The following TCF12 variants were observed in gnomAD, a reference collection of about 807,000 sequenced individuals.
TCF12 encodes transcription factor 12.
TCF12 carries 45 observed loss-of-function variants against 86.0 expected under a neutral mutation model. The observed-to-expected ratio is 0.52, with a 90% CI of 0.41 to 0.67. The LOEUF (loss-of-function observed/expected upper bound fraction) is 0.67. Among genes scored for constraint, TCF12 ranks in the 30% least tolerant of loss-of-function variants. The pLI, the probability that TCF12 is intolerant of heterozygous loss-of-function variation, is 0.00. For synonymous variants in TCF12, 330 were observed against 299.6 expected (o/e 1.10, Z -1.05); for missense variants, 881 against 859.9 (o/e 1.02, Z -0.31).
Position 57,166,431 on chromosome 15 carries a change from C to T in TCF12, c.355C>T (p.Leu119=). 1.2e-6 allele frequency: 2 copies of T among 1,611,222 alleles called. No individual in the cohort carries two copies. Among genetic ancestry groups the T allele is most frequent in the South Asian group, 1.1e-5 (1 of 90,258 alleles). ...GKTSERGSFS[L]YSRDTGLPGC... ...AACATCAGAGAGAGGCTCATTTTCCCTGTACAGCAGAGATACTGGATTACC... is the reference window on the plus strand; with the variant it reads ...AACATCAGAGAGAGGCTCATTTTCCTTGTACAGCAGAGATACTGGATTACC... The change falls in exon 6 of 21, where the codon CTG becomes TTG. Residue 119 remains leucine (L), a synonymous_variant. Coordinates refer to ENST00000333725, the MANE Select transcript of TCF12 (RefSeq NM_207037.2).
At chr15:57,205,934 CTTGTTA>C (rs1247388358) in intron 8 of TCF12, among the ~76,000 whole-genome samples, 1 of 152,180 alleles carries the variant, frequency 6.6e-6, no homozygotes, top group African/African-American at 2.4e-5. Flanking sequence ...TACAGTGATA[CTTGTTA>C]TTGTTATTTT....
In TCF12 at chr15:56,921,035, C is replaced by A; in HGVS notation, c.85C>A (p.Pro29Thr). The A allele has an allele frequency of 6.3e-7, 1 of 1,597,458 alleles. No individual in the cohort carries two copies. Among genetic ancestry groups the A allele is most frequent in the South Asian group, 1.1e-5 (1 of 88,072 alleles). ...TTGGGTTATTTTGCAGATGTTTTCCCCACCTGTTAATAGTGGGAAAACTAG... is the reference window on the plus strand; with the variant it reads ...TTGGGTTATTTTGCAGATGTTTTCCACACCTGTTAATAGTGGGAAAACTAG... ...DLLDFSAMFS[P>T]PVNSGKTRPT... Residue 29 changes from proline to threonine, a missense_variant, in exon 3 of 21, where the codon CCA (proline) becomes ACA (threonine). Physicochemically the swap from Pro to Thr is conservative, Grantham distance 38. Transcript: ENST00000333725.
intron 6 of TCF12, 68 bp from the exon 7 acceptor site, chr15:57,192,090 G>A: frequency 6.4e-7 from 1 of 1,566,236 alleles, no homozygotes; most frequent in Non-Finnish European, 8.7e-7. Flanking sequence ...ATTCAGAAGT[G>A]ATGAAATTTT....
intron 18 of TCF12, among the ~76,000 whole-genome samples, chr15:57,271,232 G>A (rs979118145): frequency 2.0e-5 from 3 of 152,202 alleles, no homozygotes; most frequent in Non-Finnish European, 4.4e-5. Context: ...CGCCCAGTTC[G>A]AGCTTCCCTG....
chr15:57,147,506 G>A (rs987184082), intron 5 of TCF12, among the ~76,000 whole-genome samples: 1 of 151,310 alleles, frequency 6.6e-6, no homozygotes, highest in Admixed American at 6.7e-5. Flanking sequence ...TTTTTTTAAA[G>A]CTTTACCCAA....
intron 5 of TCF12, among the ~76,000 whole-genome samples, chr15:57,093,091 A>G (rs933995347): frequency 1.3e-5 from 2 of 152,224 alleles, no homozygotes; most frequent in Non-Finnish European, 2.9e-5. Context: ...CACAAGCAAT[A>G]AAACTTGTGT....
chr15:57,043,615 G>A (rs1208944492), intron 3 of TCF12, among the ~76,000 whole-genome samples: 1 of 152,002 alleles, frequency 6.6e-6, no homozygotes, highest in Non-Finnish European at 1.5e-5. Flanking sequence ...TGTCTTCTTC[G>A]GAGAAATTGG....
chr15:56,952,657 T>A (rs1191583660), intron 3 of TCF12, among the ~76,000 whole-genome samples: 1 of 152,188 alleles, frequency 6.6e-6, no homozygotes, highest in Non-Finnish European at 1.5e-5. Flanking sequence ...GGCATTGTTT[T>A]AAAAATTCAA....
intron 8 of TCF12, among the ~76,000 whole-genome samples, chr15:57,223,325 C>T (rs1406785616): frequency 6.6e-6 from 1 of 151,936 alleles, no homozygotes; most frequent in Non-Finnish European, 1.5e-5. Context: ...ATCCTGACTA[C>T]CCATTTACAT....
chr15:57,262,262 C>T, intron 17 of TCF12, 54 bp downstream of exon 17: 6 of 1,240,414 alleles, frequency 4.8e-6, no homozygotes, highest in Non-Finnish European at 6.9e-6. Flanking sequence ...TCATTTGGAA[C>T]ACTGTCACCT....
At chr15:57,243,711 G>A (rs763424333) in intron 13 of TCF12, among the ~76,000 whole-genome samples, 161 bp downstream of exon 13, 1 of 152,098 alleles carries the variant, frequency 6.6e-6, no homozygotes, top group South Asian at 2.1e-4. Flanking sequence ...ATTCATTTTG[G>A]AGAATATTGA....
At chr15:57,244,213 A>T (rs2059755938) in intron 13 of TCF12, among the ~76,000 whole-genome samples, 1 of 152,172 alleles carries the variant, frequency 6.6e-6, no homozygotes, top group African/African-American at 2.4e-5. Flanking sequence ...AGCATGTAAA[A>T]TAAACAAGAT....
At chr15:57,223,655 T>TA (rs1555400251) in intron 8 of TCF12, among the ~76,000 whole-genome samples, 3 of 97,076 alleles carry the variant, frequency 3.1e-5, no homozygotes, top group Admixed American at 2.2e-4. Context: ...TTTTTTTTTT[T>TA]TTTTTTTTTT....
At chr15:57,017,115 C>T (rs2065197606) in intron 3 of TCF12, among the ~76,000 whole-genome samples, 1 of 152,140 alleles carries the variant, frequency 6.6e-6, no homozygotes, top group Non-Finnish European at 1.5e-5. Context: ...GGGTGGCAGG[C>T]TACCTTGTTA....
At chr15:57,006,585 G>T (rs1238608021) in intron 3 of TCF12, among the ~76,000 whole-genome samples, 1 of 152,046 alleles carries the variant, frequency 6.6e-6, no homozygotes, top group Admixed American at 6.5e-5. Context: ...TTGAGGTCAG[G>T]AGTTCGAGAT....
chr15:57,170,180 A>G (rs1767724043), intron 6 of TCF12, among the ~76,000 whole-genome samples: 2 of 152,170 alleles, frequency 1.3e-5, no homozygotes, highest in African/African-American at 2.4e-5. Context: ...CTATATGACT[A>G]TACTTCAGCA....
intron 5 of TCF12, among the ~76,000 whole-genome samples, chr15:57,133,205 A>G (rs1159596392): frequency 7.2e-5 from 11 of 152,184 alleles, no homozygotes; most frequent in African/African-American, 2.7e-4. Flanking sequence ...GTTACCATTG[A>G]TCTGAGCCTG....
At chr15:57,059,417 G>A (rs763143238) in intron 3 of TCF12, among the ~76,000 whole-genome samples, 1 of 152,044 alleles carries the variant, frequency 6.6e-6, no homozygotes, top group Non-Finnish European at 1.5e-5. Context: ...CTTGTATGCT[G>A]TCTCCCTGTT....
At chr15:56,924,491 GATAGAA>G (rs2059919843) in intron 3 of TCF12, among the ~76,000 whole-genome samples, 1 of 152,192 alleles carries the variant, frequency 6.6e-6, no homozygotes, top group African/African-American at 2.4e-5. Flanking sequence ...ACTGAACTGT[GATAGAA>G]ATAGGAATGG....
Sources: gnomAD v4.1 joint callset for allele counts (sites outside exome capture counted in the v4.1 genomes callset) on GRCh38, gnomAD v4.1.1 for gene constraint, MANE v1.5 for transcripts, NCBI Gene and HGNC (gene_info 2026-07-23, HGNC 2026-07-21) for gene names.